The following PLPPR1 variants were observed in gnomAD, a reference collection of about 807,000 sequenced individuals.
PLPPR1 encodes the protein phospholipid phosphatase related 1, also known as phospholipid phosphatase-related protein type 1.
PLPPR1 carries 10 observed loss-of-function variants against 33.1 expected under a neutral mutation model. That is an observed-to-expected ratio of 0.30 (90% CI 0.19 to 0.51). PLPPR1 has a LOEUF of 0.51. Among genes scored for constraint, PLPPR1 ranks in the 20% least tolerant of loss-of-function variants. The probability of loss-of-function intolerance (pLI) is 0.97; values close to 1 mark genes in which losing one functional copy is unlikely to be tolerated. For missense variants in PLPPR1, 304 were observed against 408.1 expected (o/e 0.74, Z 2.20); for synonymous variants, 151 against 151.0 (o/e 1.00, Z 0.00).
intron 1 of PLPPR1, among the ~76,000 whole-genome samples, chr9:101,057,544 A>G (rs931770073): frequency 1.3e-5 from 2 of 152,172 alleles, no homozygotes; most frequent in Non-Finnish European, 2.9e-5. Context: ...TTGTAAAAAA[A>G]AAATACCTCA....
At chr9:101,323,077 C>G (rs1829185478) in intron 7 of PLPPR1, among the ~76,000 whole-genome samples, 1 of 152,174 alleles carries the variant, frequency 6.6e-6, no homozygotes, top group African/African-American at 2.4e-5. Flanking sequence ...GTTTTAAACA[C>G]TAGAGCTGTT....
intron 2 of PLPPR1, among the ~76,000 whole-genome samples, chr9:101,235,754 T>TAAA (rs1158240396): frequency 1.3e-5 from 2 of 151,772 alleles, no homozygotes; most frequent in African/African-American, 4.8e-5. Flanking sequence ...ACCTCTCACT[T>TAAA]ACAGGCACAG....
At chr9:101,211,143 A>G (rs575317943) in intron 2 of PLPPR1, among the ~76,000 whole-genome samples, 1 of 152,308 alleles carries the variant, frequency 6.6e-6, no homozygotes, top group East Asian at 1.9e-4. Context: ...CAGAAAAGAT[A>G]GGGGATTTCA....
chr9:101,321,984 G>T (rs942488224), intron 7 of PLPPR1, among the ~76,000 whole-genome samples: 4 of 148,142 alleles, frequency 2.7e-5, no homozygotes, highest in Non-Finnish European at 5.9e-5. Flanking sequence ...TATCACCTGA[G>T]GTCAGGAGTT....
At position 101,065,524 on chromosome 9, in the gene PLPPR1, T is replaced by C. The variant is rs573648986; in HGVS notation, c.-46+36422T>C. Among the ~76,000 whole-genome samples the C allele has an allele frequency of 3.1e-4, 47 of 152,190 alleles. 1 individual carries two copies. The highest frequency in any genetic ancestry group is 9.6e-4 in the African/African-American group (40 of 41,550). ...ATTAAGGCATTTTATTTATAACAAA[T>C]GGGTCAAAAATATTCTTTACCCTGG... On this transcript the variant is annotated intron_variant, in intron 1 of 7. Transcript: ENST00000374874.
At chr9:101,122,626 T>C (rs1036120893) in intron 1 of PLPPR1, among the ~76,000 whole-genome samples, 2 of 152,250 alleles carry the variant, frequency 1.3e-5, no homozygotes, top group Non-Finnish European at 2.9e-5. Context: ...TTCACCTTAA[T>C]GTTCAGTCAT....
At chr9:101,249,246 G>A (rs1439872201) in intron 2 of PLPPR1, among the ~76,000 whole-genome samples, 2 of 152,078 alleles carry the variant, frequency 1.3e-5, no homozygotes, top group African/African-American at 4.8e-5. Flanking sequence ...TTCTGGAGAA[G>A]ATGCTTTGAA....
At chr9:101,293,407 T>C (rs890631446) in intron 4 of PLPPR1, among the ~76,000 whole-genome samples, 10 of 151,502 alleles carry the variant, frequency 6.6e-5, no homozygotes, top group South Asian at 2.1e-4. Context: ...GACAGAAAGT[T>C]AACAAGGATA....
chr9:101,135,349 C>G (rs1261305388), intron 1 of PLPPR1, among the ~76,000 whole-genome samples: 1 of 152,178 alleles, frequency 6.6e-6, no homozygotes, highest in Non-Finnish European at 1.5e-5. Flanking sequence ...GGCTTAGAAT[C>G]AGGTATTGAT....
intron 1 of PLPPR1, among the ~76,000 whole-genome samples, chr9:101,122,354 A>G (rs996202261): frequency 1.3e-5 from 2 of 152,308 alleles, no homozygotes; most frequent in African/African-American, 4.8e-5. Flanking sequence ...TTTTAATAAT[A>G]TTACCAGCAA....
At chr9:101,211,118 G>A (rs989182691) in intron 2 of PLPPR1, among the ~76,000 whole-genome samples, 3 of 152,152 alleles carry the variant, frequency 2.0e-5, no homozygotes, top group African/African-American at 7.2e-5. Flanking sequence ...AGATGTTGAT[G>A]CTGAAATTAA....
chr9:101,257,533 G>T (rs1031832213), intron 2 of PLPPR1, among the ~76,000 whole-genome samples: 13 of 152,250 alleles, frequency 8.5e-5, no homozygotes, highest in Non-Finnish European at 1.9e-4. Flanking sequence ...ACAGTTCCTG[G>T]CAGGTGAGCA....
At chr9:101,123,600 A>G (rs1831203409) in intron 1 of PLPPR1, among the ~76,000 whole-genome samples, 1 of 152,206 alleles carries the variant, frequency 6.6e-6, no homozygotes, top group East Asian at 1.9e-4. Flanking sequence ...ATTTATTGGT[A>G]ATCCAACAAA....
At chr9:101,219,925 T>C (rs1361188301) in intron 2 of PLPPR1, among the ~76,000 whole-genome samples, 2 of 152,232 alleles carry the variant, frequency 1.3e-5, no homozygotes, top group Non-Finnish European at 2.9e-5. Flanking sequence ...TACCGTCTTA[T>C]GTACTTGCTC....
intron 1 of PLPPR1, among the ~76,000 whole-genome samples, chr9:101,079,832 C>T (rs539341408): frequency 2.0e-4 from 31 of 152,320 alleles, no homozygotes; most frequent in Non-Finnish European, 3.1e-4. Flanking sequence ...CCTGCCTCAG[C>T]CTCCCAAGTG....
At chr9:101,315,840 C>T (rs1020489816) in intron 6 of PLPPR1, among the ~76,000 whole-genome samples, 6 of 152,152 alleles carry the variant, frequency 3.9e-5, no homozygotes, top group African/African-American at 1.4e-4. Flanking sequence ...CTGAGAATGG[C>T]AGGATATCTA....
chr9:101,302,063 T>C (rs989161588), intron 4 of PLPPR1, among the ~76,000 whole-genome samples: 3 of 152,198 alleles, frequency 2.0e-5, no homozygotes, highest in Non-Finnish European at 2.9e-5. Flanking sequence ...AGCCTTACTA[T>C]TCTGTTTGTA....
chr9:101,167,046 GA>G (rs5899433), intron 1 of PLPPR1, among the ~76,000 whole-genome samples: 51,583 of 95,538 alleles, frequency 0.54, 12,652 homozygotes, highest in Middle Eastern at 0.64. Context: ...AAGATCTATT[GA>G]AAAAAAAAAA....
intron 2 of PLPPR1, among the ~76,000 whole-genome samples, chr9:101,208,702 T>A (rs1826632582): frequency 6.6e-6 from 1 of 152,150 alleles, no homozygotes; most frequent in South Asian, 2.1e-4. Context: ...TTCACAGCAG[T>A]CAGAAAAAGG....
Sources: gnomAD v4.1 joint callset for allele counts (sites outside exome capture counted in the v4.1 genomes callset) on GRCh38, gnomAD v4.1.1 for gene constraint, MANE v1.5 for transcripts, NCBI Gene and HGNC (gene_info 2026-07-23, HGNC 2026-07-21) for gene names.